Variants in GMPR observed in about 807,000 individuals in gnomAD.
The protein encoded by GMPR is GMP reductase 1.
Under a neutral mutation model 38.4 loss-of-function variants are expected in GMPR, and 31 were observed. The observed-to-expected ratio is 0.81, with a 90% confidence interval of 0.61 to 1.09. The LOEUF (loss-of-function observed/expected upper bound fraction) is 1.09, where lower values mean the gene tolerates loss of function less well. Among genes scored for constraint, GMPR ranks in the 50% least tolerant of loss-of-function variants. The probability of loss-of-function intolerance (pLI) is 0.00; values close to 1 mark genes in which losing one functional copy is unlikely to be tolerated. For missense variants in GMPR, 468 were observed against 453.7 expected (o/e 1.03, Z -0.29); for synonymous variants, 162 against 173.3 (o/e 0.93, Z 0.51).
intron 4 of GMPR, among the ~76,000 whole-genome samples, chr6:16,256,785 C>G (rs1363619577): frequency 6.6e-6 from 1 of 152,184 alleles, no homozygotes; most frequent in African/African-American, 2.4e-5. Flanking sequence ...ATCTTTTGTT[C>G]TAATATTTGG....
chr6:16,266,085 AC>A lies in GMPR; in HGVS notation c.466-8328del, dbSNP rs879428307. Among the ~76,000 whole-genome samples, 1,013 of 151,312 alleles carry A rather than the reference AC, an allele frequency of 6.7e-3. 15 individuals carry two copies. Among genetic ancestry groups the A allele is most frequent in the African/African-American group, 0.021 (854 of 41,052 alleles). ...AGGAATGAACAACTCCCGACGGGCT[AC>A]CTTTAAGAGCTGTAACACTTGCCAT... On this transcript the variant is annotated intron_variant, in intron 4 of 8. Transcript: ENST00000259727.
intron 4 of GMPR, among the ~76,000 whole-genome samples, chr6:16,273,412 T>A (rs1342170697): frequency 6.6e-6 from 1 of 152,210 alleles, no homozygotes; most frequent in Non-Finnish European, 1.5e-5. Context: ...TGAGTTGTAA[T>A]AAAAAGGGCT....
At chr6:16,240,021 G>A (rs1758616976) in intron 1 of GMPR, among the ~76,000 whole-genome samples, 1 of 152,144 alleles carries the variant, frequency 6.6e-6, no homozygotes, top group African/African-American at 2.4e-5. Flanking sequence ...GGCAGGCCTG[G>A]GCCTCTGGAA....
At chr6:16,256,302 T>A (rs1368346691) in intron 4 of GMPR, among the ~76,000 whole-genome samples, 7 of 142,370 alleles carry the variant, frequency 4.9e-5, no homozygotes, top group Non-Finnish European at 1.5e-5. Flanking sequence ...GATCATGAGG[T>A]CAAGAGTTCA....
chr6:16,286,307 G>A (rs1241465804), intron 7 of GMPR, among the ~76,000 whole-genome samples: 1 of 152,028 alleles, frequency 6.6e-6, no homozygotes, highest in African/African-American at 2.4e-5. Flanking sequence ...ATGGGGAGCG[G>A]TGGTGGGAGG....
At position 16,246,832 on chromosome 6, in the gene GMPR, TGGCCAA is replaced by T; in HGVS notation, c.88-9_88-4del. 6.2e-7 allele frequency: 1 copy of T among 1,605,912 alleles called. No individual in the cohort carries two copies. Among genetic ancestry groups the T allele is most frequent in the Admixed American group, 1.7e-5 (1 of 58,108 alleles). ...CTTTCCCTTTTTCTTTCTTTTTTTT[TGGCCAA>T]CAGGTGGATCTTGAACGCACCTTCA... On this transcript the variant is annotated splice_polypyrimidine_tract_variant and splice_region_variant and intron_variant, in intron 1 of 8. Transcript: ENST00000259727.
Position 16,295,024 on chromosome 6 carries a change from T to C in GMPR, c.876T>C (p.Thr292=), listed in dbSNP as rs1759910094. 6.2e-7 allele frequency: 1 copy of C among 1,609,348 alleles called. No individual in the cohort carries two copies. The highest frequency in any genetic ancestry group is 8.5e-7 in the Non-Finnish European group (1 of 1,177,948). Residue 292 remains threonine (T), a synonymous_variant, in exon 9 of 9, where the codon ACT becomes ACC. Coordinates refer to ENST00000259727, the MANE Select transcript of GMPR (RefSeq NM_006877.4). ...CTTCCAGAGCCTCTGAGGGTAAGAC[T>C]GTGGAAGTTCCTTACAAAGGAGATG... ...VAEYRASEGK[T]VEVPYKGDVE...
intron 1 of GMPR, among the ~76,000 whole-genome samples, chr6:16,244,604 G>A (rs1323054888): frequency 2.0e-5 from 3 of 152,134 alleles, no homozygotes; most frequent in East Asian, 3.9e-4. Context: ...TTTGTGGGTG[G>A]GGGAGGGGAC....
At chr6:16,264,396 C>T (rs1308038767) in intron 4 of GMPR, 6 of 240,262 alleles carry the variant, frequency 2.5e-5, no homozygotes, top group South Asian at 9.4e-5. Flanking sequence ...GACCTGAGGT[C>T]GTAGGTGGAT....
chr6:16,283,556 A>AG (rs1759615788), intron 6 of GMPR, among the ~76,000 whole-genome samples: 1 of 152,228 alleles, frequency 6.6e-6, no homozygotes, highest in Non-Finnish European at 1.5e-5. Context: ...CACATACAAA[A>AG]GCACCCTGTG....
At chr6:16,271,394 G>A (rs1759383128) in intron 4 of GMPR, among the ~76,000 whole-genome samples, 1 of 152,220 alleles carries the variant, frequency 6.6e-6, no homozygotes, top group Admixed American at 6.5e-5. Context: ...GCTGAGGCAG[G>A]AGAATCGCTT....
chr6:16,261,354 A>G (rs1427537436), intron 4 of GMPR, among the ~76,000 whole-genome samples: 1 of 151,916 alleles, frequency 6.6e-6, no homozygotes, highest in Non-Finnish European at 1.5e-5. Context: ...GCTGTCTGTG[A>G]AGCTTTGCAA....
At chr6:16,289,054 C>G (rs947392739) in intron 7 of GMPR, among the ~76,000 whole-genome samples, 9 of 152,190 alleles carry the variant, frequency 5.9e-5, no homozygotes, top group Admixed American at 1.3e-4. Flanking sequence ...CTTCTGGCTC[C>G]TTTTCTTTGG....
intron 8 of GMPR, among the ~76,000 whole-genome samples, chr6:16,291,945 G>A (rs916426772): frequency 2.0e-5 from 3 of 151,248 alleles, no homozygotes; most frequent in Non-Finnish European, 2.9e-5. Context: ...CAGTATACTC[G>A]CTGCCTCACC....
intron 1 of GMPR, among the ~76,000 whole-genome samples, chr6:16,244,590 T>C (rs1758721686): frequency 6.6e-6 from 1 of 151,978 alleles, no homozygotes; most frequent in Admixed American, 6.6e-5. Flanking sequence ...AGCAGAGATG[T>C]GTGTTTGTGG....
chr6:16,291,601 C>T (rs939195860), intron 8 of GMPR, among the ~76,000 whole-genome samples: 9 of 152,074 alleles, frequency 5.9e-5, no homozygotes, highest in Non-Finnish European at 1.2e-4. Context: ...TAACTGTCTG[C>T]ATGTGTGTTT....
chr6:16,262,852 G>A (rs1434494876), intron 4 of GMPR: 1 of 151,996 alleles, frequency 6.6e-6, no homozygotes, highest in Non-Finnish European at 1.5e-5. Context: ...AAAGAAAAAG[G>A]AGCATTAACC....
intron 4 of GMPR, among the ~76,000 whole-genome samples, chr6:16,272,247 A>C (rs1759401025): frequency 6.6e-6 from 1 of 152,138 alleles, no homozygotes; most frequent in African/African-American, 2.4e-5. Flanking sequence ...ACACTCTTAA[A>C]AACATCACAT....
At chr6:16,289,235 T>G (rs766448786) in intron 7 of GMPR, among the ~76,000 whole-genome samples, 5 of 152,146 alleles carry the variant, frequency 3.3e-5, no homozygotes, top group African/African-American at 4.8e-5. Context: ...CGCGCCACCT[T>G]ATAGAGCTGT....
Sources: allele counts gnomAD v4.1 joint callset (sites outside exome capture counted in the v4.1 genomes callset), GRCh38; gene constraint gnomAD v4.1.1; transcripts MANE v1.5; gene names NCBI Gene and HGNC (gene_info 2026-07-23, HGNC 2026-07-21).